KDM4C: variants seen among roughly 807,000 people sequenced by gnomAD.
The protein encoded by KDM4C is lysine-specific demethylase 4C.
A neutral mutation model predicts 129.3 loss-of-function variants in KDM4C; 81 were observed. The observed-to-expected ratio is 0.63, with a 90% CI of 0.52 to 0.75. KDM4C has a LOEUF of 0.75. Among genes scored for constraint, KDM4C ranks in the 30% least tolerant of loss-of-function variants. The pLI is 0.00. For synonymous variants in KDM4C, 573 were observed against 456.1 expected, an observed-to-expected ratio of 1.26 and a Z score of -3.26; for missense variants, 1,457 against 1,304.0, an observed-to-expected ratio of 1.12 and a Z score of -1.81.
At chr9:7,162,526 G>C (rs1843912524) in intron 19 of KDM4C, among the ~76,000 whole-genome samples, 1 of 152,166 alleles carries the variant, frequency 6.6e-6, no homozygotes, top group Admixed American at 6.5e-5. Flanking sequence ...ACTTAGTAAA[G>C]TTCATCTATT....
intron 8 of KDM4C, among the ~76,000 whole-genome samples, chr9:6,964,729 C>T (rs1589354194): frequency 2.1e-5 from 3 of 143,918 alleles, no homozygotes. Flanking sequence ...TTGCAGTGAG[C>T]CGAGATCACG....
chr9:6,908,706 T>C (rs376913563), intron 8 of KDM4C, among the ~76,000 whole-genome samples: 16 of 152,158 alleles, frequency 1.1e-4, no homozygotes, highest in East Asian at 5.8e-4. Flanking sequence ...CCTAGCTTAA[T>C]TGGGGACATT....
At chr9:6,816,287 A>G (rs954669160) in intron 4 of KDM4C, among the ~76,000 whole-genome samples, 3 of 152,224 alleles carry the variant, frequency 2.0e-5, no homozygotes, top group African/African-American at 7.2e-5. Flanking sequence ...CATAGAACAT[A>G]AACCTAGAGC....
At chr9:7,032,785 C>G (rs1826995291) in intron 15 of KDM4C, among the ~76,000 whole-genome samples, 6 of 152,190 alleles carry the variant, frequency 3.9e-5, no homozygotes, top group Non-Finnish European at 8.8e-5. Flanking sequence ...AGCCACTGAC[C>G]TAATCCTGAA....
At chr9:6,730,649 A>C (rs561041650) in intron 1 of KDM4C, among the ~76,000 whole-genome samples, 15 of 152,020 alleles carry the variant, frequency 9.9e-5, no homozygotes, top group Non-Finnish European at 2.1e-4. Flanking sequence ...TAATAATTTA[A>C]TTGAGCAATG....
chr9:6,956,388 C>G (rs74720696), intron 8 of KDM4C, among the ~76,000 whole-genome samples: 7,099 of 151,952 alleles, frequency 0.047, 259 homozygotes, highest in East Asian at 0.14. Flanking sequence ...TACTAAGTAC[C>G]CATAAAAATT....
At chr9:6,971,772 C>T (rs1280485435) in intron 8 of KDM4C, among the ~76,000 whole-genome samples, 1 of 152,126 alleles carries the variant, frequency 6.6e-6, no homozygotes, top group Admixed American at 6.5e-5. Flanking sequence ...GGGTTCTACA[C>T]AATGATCAGG....
chr9:6,724,636 T>G (rs58078713), intron 1 of KDM4C, among the ~76,000 whole-genome samples: 17,038 of 152,130 alleles, frequency 0.11, 1,158 homozygotes, highest in African/African-American at 0.19. Flanking sequence ...GTTCAAGCCA[T>G]TCTCCTGCCT....
chr9:6,724,576 G>A (rs1817061451), intron 1 of KDM4C, among the ~76,000 whole-genome samples: 1 of 152,078 alleles, frequency 6.6e-6, no homozygotes, highest in African/African-American at 2.4e-5. Flanking sequence ...TGTCGCCCAG[G>A]CTGGAGTGCA....
chr9:6,832,308 C>G (rs1216576103), intron 4 of KDM4C, among the ~76,000 whole-genome samples: 1 of 149,654 alleles, frequency 6.7e-6, no homozygotes, highest in Non-Finnish European at 1.5e-5. Context: ...CCACTGCACT[C>G]CAGCCTGGGC....
At chr9:7,149,102 C>G (rs1157259498) in intron 19 of KDM4C, among the ~76,000 whole-genome samples, 6 of 152,352 alleles carry the variant, frequency 3.9e-5, no homozygotes, top group African/African-American at 1.4e-4. Flanking sequence ...GGGGCACTTG[C>G]ATGCCCATGC....
chr9:7,075,537 C>G (rs1328586356), intron 17 of KDM4C, among the ~76,000 whole-genome samples: 2 of 152,180 alleles, frequency 1.3e-5, no homozygotes, highest in African/African-American at 4.8e-5. Context: ...GTTTCTCTCT[C>G]ATACCCTCTT....
chr9:6,802,794 A>T (rs1829254507), intron 2 of KDM4C, among the ~76,000 whole-genome samples: 1 of 152,200 alleles, frequency 6.6e-6, no homozygotes, highest in South Asian at 2.1e-4. Context: ...TTTAGTAGAG[A>T]TGGGGTTTCA....
At chr9:6,936,083 A>G (rs748508361) in intron 8 of KDM4C, among the ~76,000 whole-genome samples, 19 of 152,206 alleles carry the variant, frequency 1.2e-4, no homozygotes, top group Non-Finnish European at 2.4e-4. Context: ...TCAAATGGAA[A>G]CTAGAATTAT....
At chr9:6,802,108 A>AG (rs1829103435) in intron 2 of KDM4C, among the ~76,000 whole-genome samples, 1 of 151,432 alleles carries the variant, frequency 6.6e-6, no homozygotes, top group African/African-American at 2.4e-5. Context: ...TTTGTCTCAA[A>AG]AAAAAAAAAA....
intron 19 of KDM4C, among the ~76,000 whole-genome samples, chr9:7,150,615 G>A (rs1322966800): frequency 6.6e-6 from 1 of 152,208 alleles, no homozygotes; most frequent in African/African-American, 2.4e-5. Flanking sequence ...AGGCAGGAAT[G>A]CAGAGAATCT....
chr9:7,119,300 G>A (rs1839250412), intron 18 of KDM4C, among the ~76,000 whole-genome samples: 1 of 152,032 alleles, frequency 6.6e-6, no homozygotes, highest in Non-Finnish European at 1.5e-5. Context: ...AAATATCCCA[G>A]GTGATAAAAT....
At chr9:7,020,656 TA>T (rs1159540344) in intron 15 of KDM4C, among the ~76,000 whole-genome samples, 1 of 152,120 alleles carries the variant, frequency 6.6e-6, no homozygotes, top group East Asian at 1.9e-4. Flanking sequence ...CACTACTTTT[TA>T]AAAAATATTT....
At chr9:6,785,832 G>C (rs770198252) in intron 1 of KDM4C, among the ~76,000 whole-genome samples, 1 of 152,254 alleles carries the variant, frequency 6.6e-6, no homozygotes, top group East Asian at 1.9e-4. Context: ...AGCCAAAGCA[G>C]TGTGCAGAGC....
Sources: gnomAD v4.1 joint callset for allele counts (sites outside exome capture counted in the v4.1 genomes callset) on GRCh38, gnomAD v4.1.1 for gene constraint, MANE v1.5 for transcripts, NCBI Gene and HGNC (gene_info 2026-07-23, HGNC 2026-07-21) for gene names.